Variants in NOL4 observed in about 807,000 individuals in gnomAD.
NOL4 encodes the protein nucleolar protein 4.
NOL4 carries 17 observed loss-of-function variants against 75.9 expected under a neutral mutation model. That is an observed-to-expected ratio of 0.22 (90% CI 0.15 to 0.34). NOL4 has a LOEUF of 0.34. Among genes scored for constraint, NOL4 ranks in the 10% least tolerant of loss-of-function variants. NOL4 has a pLI of 1.00. For synonymous variants in NOL4, 292 were observed against 289.9 expected (o/e 1.01, Z -0.07); for missense variants, 614 against 793.5 (o/e 0.77, Z 2.72).
intron 10 of NOL4, among the ~76,000 whole-genome samples, chr18:33,868,626 GA>G (rs1173629478): frequency 7.0e-6 from 1 of 143,074 alleles, no homozygotes; most frequent in Non-Finnish European, 1.5e-5. Context: ...ATGGTCATAT[GA>G]AATATTTTAA....
intron 6 of NOL4, among the ~76,000 whole-genome samples, chr18:33,975,665 C>T (rs2071436686): frequency 6.6e-6 from 1 of 152,184 alleles, no homozygotes; most frequent in African/African-American, 2.4e-5. Flanking sequence ...ATCCCAGCTA[C>T]TCAGGAGGCT....
chr18:34,199,746 G>T (rs1331151985), intron 1 of NOL4, among the ~76,000 whole-genome samples: 1 of 151,886 alleles, frequency 6.6e-6, no homozygotes, highest in Middle Eastern at 3.4e-3. Context: ...ATGGCATAAG[G>T]TTAGAAAAAA....
intron 10 of NOL4, among the ~76,000 whole-genome samples, chr18:33,862,677 C>A (rs894860119): frequency 6.6e-6 from 1 of 152,248 alleles, no homozygotes; most frequent in East Asian, 1.9e-4. Flanking sequence ...AAAATGCTCA[C>A]CATCACTGGC....
At chr18:33,863,432 A>G (rs2144330442) in intron 10 of NOL4, among the ~76,000 whole-genome samples, 1 of 152,280 alleles carries the variant, frequency 6.6e-6, no homozygotes, top group East Asian at 1.9e-4. Flanking sequence ...ATAATAAAAA[A>G]AAGTTACTTC....
intron 5 of NOL4, among the ~76,000 whole-genome samples, chr18:34,031,281 G>A (rs2075628157): frequency 6.6e-6 from 1 of 152,164 alleles, no homozygotes; most frequent in African/African-American, 2.4e-5. Context: ...CAGCGATGAA[G>A]ACTCCAGTCC....
chr18:33,855,543 T>G (rs916104893), intron 10 of NOL4, among the ~76,000 whole-genome samples: 7 of 152,082 alleles, frequency 4.6e-5, no homozygotes, highest in Non-Finnish European at 1.0e-4. Context: ...GAAAGGATTT[T>G]GATATCCAAG....
intron 5 of NOL4, among the ~76,000 whole-genome samples, chr18:34,062,968 C>G (rs2077127081): frequency 6.6e-6 from 1 of 152,112 alleles, no homozygotes; most frequent in Non-Finnish European, 1.5e-5. Flanking sequence ...AACTTTATAT[C>G]ATAGAATTAC....
intron 5 of NOL4, among the ~76,000 whole-genome samples, chr18:34,071,581 T>G (rs947276818): frequency 2.0e-5 from 3 of 152,156 alleles, no homozygotes; most frequent in African/African-American, 7.2e-5. Context: ...ACGACCATTC[T>G]GTTTTTAACT....
At chr18:33,958,451 A>G (rs766680572) in intron 6 of NOL4, 33 bp from the exon 7 acceptor site, 31 of 1,552,704 alleles carry the variant, frequency 2.0e-5, no homozygotes, top group Non-Finnish European at 2.7e-5. Context: ...CTGCTTTTAA[A>G]TTCATTGCAC....
chr18:33,855,040 A>G (rs1306596465), intron 10 of NOL4, among the ~76,000 whole-genome samples: 1 of 151,984 alleles, frequency 6.6e-6, no homozygotes, highest in Non-Finnish European at 1.5e-5. Context: ...AGTTATTATT[A>G]TTCTTTGTCT....
intron 1 of NOL4, chr18:34,183,550 G>T (rs72961222): frequency 6.6e-6 from 1 of 151,924 alleles, no homozygotes; most frequent in African/African-American, 2.4e-5. Context: ...AATTGTAGCA[G>T]CTCTATTCAT....
intron 5 of NOL4, among the ~76,000 whole-genome samples, chr18:34,048,884 T>C (rs536600665): frequency 1.3e-5 from 2 of 152,250 alleles, no homozygotes; most frequent in East Asian, 3.9e-4. Context: ...TTAATAATTT[T>C]CCAGTTTAAA....
chr18:33,854,154 A>G (rs996236782), intron 10 of NOL4, among the ~76,000 whole-genome samples: 5 of 152,152 alleles, frequency 3.3e-5, no homozygotes, highest in Admixed American at 6.6e-5. Context: ...ATTTTCAGAT[A>G]ATGGTATTCG....
At chr18:33,866,803 G>A (rs1228837277) in intron 10 of NOL4, among the ~76,000 whole-genome samples, 4 of 152,024 alleles carry the variant, frequency 2.6e-5, no homozygotes, top group Non-Finnish European at 5.9e-5. Flanking sequence ...AACTTAAGCT[G>A]AACAAACATA....
intron 9 of NOL4, among the ~76,000 whole-genome samples, chr18:33,908,565 G>C (rs768996969): frequency 6.6e-6 from 1 of 152,070 alleles, no homozygotes; most frequent in Non-Finnish European, 1.5e-5. Flanking sequence ...CCTATGTGTT[G>C]AGATTAAAGT....
At chr18:33,960,219 C>T (rs369104287) in intron 6 of NOL4, among the ~76,000 whole-genome samples, 1 of 151,956 alleles carries the variant, frequency 6.6e-6, no homozygotes, top group African/African-American at 2.4e-5. Flanking sequence ...GCTTCATACA[C>T]AGTTTTGCTT....
chr18:34,195,911 A>G (rs1037317496), intron 1 of NOL4, among the ~76,000 whole-genome samples: 2 of 152,146 alleles, frequency 1.3e-5, no homozygotes, highest in Non-Finnish European at 2.9e-5. Context: ...CCAGTAGATA[A>G]AGAATTCATT....
At chr18:33,892,770 G>A (rs1431217142) in intron 9 of NOL4, among the ~76,000 whole-genome samples, 5 of 151,858 alleles carry the variant, frequency 3.3e-5, no homozygotes, top group Admixed American at 6.6e-5. Flanking sequence ...TGATCCTCTT[G>A]CCTCAGCCTT....
At chr18:33,997,699 A>G (rs941816253) in intron 6 of NOL4, among the ~76,000 whole-genome samples, 4 of 148,570 alleles carry the variant, frequency 2.7e-5, no homozygotes, top group African/African-American at 9.8e-5. Flanking sequence ...ATAAATATAT[A>G]CACATATATT....
Sources: allele counts gnomAD v4.1 joint callset (sites outside exome capture counted in the v4.1 genomes callset), GRCh38; gene constraint gnomAD v4.1.1; transcripts MANE v1.5; gene names NCBI Gene and HGNC (gene_info 2026-07-23, HGNC 2026-07-21).